DLGAP2: variants seen among roughly 807,000 people sequenced by gnomAD.
The protein encoded by DLGAP2 is DLG associated protein 2.
A neutral mutation model predicts 100.3 loss-of-function variants in DLGAP2; 26 were observed. The ratio of observed to expected loss-of-function variants is 0.26; its 90% CI spans 0.19 to 0.36. DLGAP2 has a LOEUF of 0.36. Among genes scored for constraint, DLGAP2 ranks in the 10% least tolerant of loss-of-function variants. The pLI, the probability that DLGAP2 is intolerant of heterozygous loss-of-function variation, is 1.00. For synonymous variants in DLGAP2, 886 were observed against 630.1 expected (o/e 1.41, Z -6.08); for missense variants, 1,858 against 1,453.2 (o/e 1.28, Z -4.53).
intron 2 of DLGAP2, among the ~76,000 whole-genome samples, chr8:1,163,126 C>T (rs1424124191): frequency 1.3e-5 from 2 of 152,174 alleles, no homozygotes; most frequent in Non-Finnish European, 2.9e-5. Flanking sequence ...GTCTTGTCCC[C>T]TCCTCCTGTC....
chr8:1,341,060 C>T (rs1383703860), intron 3 of DLGAP2, among the ~76,000 whole-genome samples: 1 of 151,948 alleles, frequency 6.6e-6, no homozygotes, highest in African/African-American at 2.4e-5. Context: ...TAGAGGGGAA[C>T]AACACACACT....
intron 2 of DLGAP2, among the ~76,000 whole-genome samples, chr8:1,214,427 A>C (rs983262113): frequency 6.6e-6 from 1 of 152,194 alleles, no homozygotes; most frequent in Non-Finnish European, 1.5e-5. Context: ...TGCAGGTAGC[A>C]AGCAGGGCTG....
intron 2 of DLGAP2, among the ~76,000 whole-genome samples, chr8:919,343 A>C (rs1798660178): frequency 6.6e-6 from 1 of 152,186 alleles, no homozygotes; most frequent in South Asian, 2.1e-4. Context: ...CGCGACGGGC[A>C]GGATGCTTGT....
chr8:922,030 C>A (rs186431067), intron 2 of DLGAP2, among the ~76,000 whole-genome samples: 1 of 152,224 alleles, frequency 6.6e-6, no homozygotes, highest in African/African-American at 2.4e-5. Flanking sequence ...CATGCTGGCC[C>A]GGGTGTGGCA....
At chr8:1,571,744 A>G (rs1584940943) in intron 6 of DLGAP2, among the ~76,000 whole-genome samples, 4 of 95,946 alleles carry the variant, frequency 4.2e-5, no homozygotes, top group Admixed American at 2.1e-4. Flanking sequence ...GATGGAGAGG[A>G]GAGAGGGTGA....
chr8:1,184,202 C>A (rs1056516392), intron 2 of DLGAP2, among the ~76,000 whole-genome samples: 1 of 152,112 alleles, frequency 6.6e-6, no homozygotes, highest in Non-Finnish European at 1.5e-5. Flanking sequence ...AGAGAGCAAG[C>A]CATTTAAAAG....
At chr8:836,671 C>G (rs933921345) in intron 1 of DLGAP2, among the ~76,000 whole-genome samples, 1 of 152,198 alleles carries the variant, frequency 6.6e-6, no homozygotes, top group Non-Finnish European at 1.5e-5. Context: ...CCTACAGGCG[C>G]TGCCCTTTGA....
intron 6 of DLGAP2, among the ~76,000 whole-genome samples, chr8:1,575,765 A>G (rs1056161945): frequency 1.3e-5 from 2 of 151,698 alleles, no homozygotes; most frequent in Non-Finnish European, 2.9e-5. Context: ...GATGGTTTCT[A>G]GCTTCATCCA....
rs879489536 is a variant in DLGAP2, at chr8:1,164,199, G to GAACCCCCC, written c.74-94651_74-94650insACCCCCCA. Among the ~76,000 whole-genome samples, 16 of 92,640 alleles carry GAACCCCCC rather than the reference G, an allele frequency of 1.7e-4. 3 individuals are homozygous for GAACCCCCC. The highest frequency in any genetic ancestry group is 3.1e-4 in the African/African-American group (8 of 25,720). 60.8% of individuals were successfully genotyped at this position (92,640 alleles called of 152,430 possible). A position where few individuals can be genotyped will look rare whatever the true frequency, so the allele number is the denominator to read the frequency against. On this transcript the variant is annotated intron_variant, in intron 2 of 14. Transcript: ENST00000637795. ...TTTTGGTTTGTGGGGATTTTTCTGT[G>GAACCCCCC]AGCCCCCAGGGCCCGTCATTTTGGT... is the stretch of plus-strand genomic sequence containing the variant.
At position 969,339 on chromosome 8, in the gene DLGAP2, G is replaced by T. The variant is rs1189618484; in HGVS notation, c.73+61373G>T. ...ACACACTCTGCAGATCTTGGGACTC[G>T]TCACCCTCCATGCGCGAGTGAGCCA... On this transcript the variant is annotated intron_variant, in intron 2 of 14. Coordinates refer to ENST00000637795, the MANE Select transcript of DLGAP2 (RefSeq NM_001346810.2). Among the ~76,000 whole-genome samples the T allele has an allele frequency of 4.6e-5, 7 of 152,174 alleles. No individual in the cohort carries two copies. The South Asian group carries it at 1.5e-3, about 32-fold the overall frequency.
At chr8:865,294 G>C (rs1797472858) in intron 1 of DLGAP2, among the ~76,000 whole-genome samples, 2 of 152,362 alleles carry the variant, frequency 1.3e-5, no homozygotes, top group South Asian at 4.2e-4. Flanking sequence ...AAATGACAGA[G>C]AGGAGAGTTA....
intron 2 of DLGAP2, among the ~76,000 whole-genome samples, chr8:1,084,877 T>C (rs1432959606): frequency 2.6e-5 from 4 of 152,194 alleles, no homozygotes; most frequent in African/African-American, 9.7e-5. Flanking sequence ...TCAGATCTGT[T>C]TCTGAGTAAA....
intron 2 of DLGAP2, among the ~76,000 whole-genome samples, chr8:1,096,747 GCT>G (rs1804385238): frequency 7.1e-6 from 1 of 140,156 alleles, no homozygotes; most frequent in Non-Finnish European, 1.5e-5. Flanking sequence ...GTACAGTGGA[GCT>G]GGGAGCCCGG....
At chr8:1,317,848 A>G (rs1276674813) in intron 3 of DLGAP2, among the ~76,000 whole-genome samples, 1 of 147,234 alleles carries the variant, frequency 6.8e-6, no homozygotes, top group Non-Finnish European at 1.5e-5. Flanking sequence ...TCTACACTCG[A>G]GACACTCAGC....
At chr8:1,575,917 G>T (rs1055877566) in intron 6 of DLGAP2, among the ~76,000 whole-genome samples, 7 of 151,986 alleles carry the variant, frequency 4.6e-5, no homozygotes, top group Non-Finnish European at 1.0e-4. Context: ...GAATAGTGCT[G>T]TAATAAACAT....
In DLGAP2 at chr8:795,888, C is replaced by T. The variant is rs78150144; in HGVS notation, c.18+58063C>T. ...AGAGCAGGCGTCCAGTGAGAGCAGG[C>T]GTCCAGTGAGAGCAGCTGTCCAGTG... On this transcript the variant is annotated intron_variant, in intron 1 of 14. Coordinates refer to ENST00000637795, the MANE Select transcript of DLGAP2 (RefSeq NM_001346810.2). Among the ~76,000 whole-genome samples the T allele has an allele frequency of 6.9e-3, 536 of 77,450 alleles. 117 individuals are homozygous for T. The highest frequency in any genetic ancestry group is 0.017 in the South Asian group (25 of 1,494). The allele number at this position is 77,450 out of a possible 152,430, so 50.8% of individuals were successfully genotyped here.
At chr8:1,222,956 C>T (rs76986284) in intron 2 of DLGAP2, among the ~76,000 whole-genome samples, 8,269 of 152,202 alleles carry the variant, frequency 0.054, 484 homozygotes, top group African/African-American at 0.14. Context: ...AGGAGTGTGG[C>T]AAGCCTTGGG....
chr8:960,235 A>ATATTTTTTTTTTTTTTTTTTTTTT (rs1209692955), intron 2 of DLGAP2, among the ~76,000 whole-genome samples: 2 of 8,344 alleles, frequency 2.4e-4, no homozygotes, highest in African/African-American at 4.3e-4. Flanking sequence ...CCTGAAGTAT[A>ATATTTTTTTTTTTTTTTTTTTTTT]TCTTTTTTTT....
Position 1,617,524 on chromosome 8 carries a change from T to C in DLGAP2, c.1443-9216T>C, listed in dbSNP as rs139720789. Among the ~76,000 whole-genome samples the C allele has an allele frequency of 2.9e-3, 444 of 152,354 alleles. 4 individuals are homozygous for C. Among genetic ancestry groups the C allele is most frequent in the African/African-American group, 0.01 (416 of 41,584 alleles). ...GTGCTTGTTGGCCACATGTATGTCT[T>C]CGTTTGAAAAGTGTCTGTTCATGTT... On this transcript the variant is annotated intron_variant, in intron 6 of 14. Transcript: ENST00000637795.
Sources: gnomAD v4.1 joint callset for allele counts (sites outside exome capture counted in the v4.1 genomes callset) on GRCh38, gnomAD v4.1.1 for gene constraint, MANE v1.5 for transcripts, NCBI Gene and HGNC (gene_info 2026-07-23, HGNC 2026-07-21) for gene names.